FER: variants seen among roughly 807,000 people sequenced by gnomAD.
The protein encoded by FER is tyrosine-protein kinase Fer.
FER carries 63 observed loss-of-function variants against 111.0 expected under a neutral mutation model. The observed-to-expected ratio is 0.57, with a 90% CI of 0.46 to 0.70. The LOEUF is 0.70. Ranked by LOEUF, FER falls within the 30% of genes least tolerant of loss-of-function variation. The pLI is 0.00. For missense variants in FER, 914 were observed against 954.0 expected (o/e 0.96, Z 0.55); for synonymous variants, 327 against 313.9 (o/e 1.04, Z -0.44).
intron 13 of FER, among the ~76,000 whole-genome samples, chr5:109,009,481 C>T (rs1300511542): frequency 6.6e-6 from 1 of 152,204 alleles, no homozygotes; most frequent in Non-Finnish European, 1.5e-5. Flanking sequence ...TTAAATTTAA[C>T]TCTCAAATGT....
At chr5:108,994,625 A>C (rs909845870) in intron 13 of FER, among the ~76,000 whole-genome samples, 1 of 152,094 alleles carries the variant, frequency 6.6e-6, no homozygotes, top group South Asian at 2.1e-4. Context: ...ATTTTAAAGT[A>C]GTTTTTTCTA....
At chr5:108,819,572 C>CCTG (rs1483321552) in intron 3 of FER, among the ~76,000 whole-genome samples, 1 of 151,976 alleles carries the variant, frequency 6.6e-6, no homozygotes, top group African/African-American at 2.4e-5. Flanking sequence ...TAAGAGAAGG[C>CCTG]CTGCTGCGAG....
chr5:109,080,435 T>C (rs1032708262), intron 16 of FER, among the ~76,000 whole-genome samples: 3 of 152,106 alleles, frequency 2.0e-5, no homozygotes, highest in African/African-American at 4.8e-5. Context: ...ATTTACTGTT[T>C]TAAAAAATAA....
intron 1 of FER, among the ~76,000 whole-genome samples, chr5:108,759,723 G>T (rs1751508687): frequency 1.3e-5 from 2 of 152,192 alleles, no homozygotes; most frequent in South Asian, 4.1e-4. Flanking sequence ...CAGAAGAGAA[G>T]AGAACACATT....
chr5:108,792,203 C>T (rs1755455745), intron 2 of FER, among the ~76,000 whole-genome samples: 1 of 152,104 alleles, frequency 6.6e-6, no homozygotes, highest in Admixed American at 6.5e-5. Flanking sequence ...GATAGCTTGT[C>T]AAGTTCTATA....
intron 5 of FER, among the ~76,000 whole-genome samples, chr5:108,848,433 G>A (rs894212079): frequency 6.6e-6 from 1 of 151,870 alleles, no homozygotes; most frequent in Admixed American, 6.6e-5. Flanking sequence ...TGGATTAATT[G>A]AACATTTTTC....
intron 18 of FER, among the ~76,000 whole-genome samples, chr5:109,182,546 A>T (rs1181999426): frequency 6.6e-6 from 1 of 152,214 alleles, no homozygotes; most frequent in African/African-American, 2.4e-5. Flanking sequence ...CAATATTTAC[A>T]CAAAGGTTTT....
At chr5:108,865,025 TTA>T (rs1763895823) in intron 5 of FER, among the ~76,000 whole-genome samples, 1 of 152,224 alleles carries the variant, frequency 6.6e-6, no homozygotes, top group Admixed American at 6.5e-5. Context: ...GTATCCTCTT[TTA>T]TTTCATTGAG....
At chr5:108,761,080 G>T (rs988676664) in intron 1 of FER, among the ~76,000 whole-genome samples, 1 of 151,848 alleles carries the variant, frequency 6.6e-6, no homozygotes, top group African/African-American at 2.4e-5. Flanking sequence ...ACAGGTGCCC[G>T]CCACCACGCC....
chr5:109,053,088 A>G (rs1484220492), intron 16 of FER, among the ~76,000 whole-genome samples: 1 of 152,198 alleles, frequency 6.6e-6, no homozygotes, highest in African/African-American at 2.4e-5. Context: ...CACAAGTCTC[A>G]GAAAAGTAAT....
chr5:109,060,667 A>G (rs573985501), intron 16 of FER, among the ~76,000 whole-genome samples: 12 of 152,198 alleles, frequency 7.9e-5, no homozygotes, highest in Middle Eastern at 6.8e-3. Flanking sequence ...CTGGTGACAG[A>G]GTGAGACTCT....
At chr5:108,812,380 T>C (rs2150080329) in intron 3 of FER, among the ~76,000 whole-genome samples, 1 of 152,332 alleles carries the variant, frequency 6.6e-6, no homozygotes, top group Non-Finnish European at 1.5e-5. Flanking sequence ...CTGTCTGATA[T>C]TAATATAACC....
At chr5:109,134,715 T>G (rs947612573) in intron 17 of FER, among the ~76,000 whole-genome samples, 2 of 152,132 alleles carry the variant, frequency 1.3e-5, no homozygotes, top group Non-Finnish European at 2.9e-5. Flanking sequence ...CTCTCCTGGA[T>G]GAGTTCACAA....
At chr5:109,154,417 A>G (rs1755152461) in intron 17 of FER, among the ~76,000 whole-genome samples, 1 of 151,958 alleles carries the variant, frequency 6.6e-6, no homozygotes, top group Non-Finnish European at 1.5e-5. Flanking sequence ...ATTAGGAAAG[A>G]TAAGATAAAT....
intron 1 of FER, among the ~76,000 whole-genome samples, chr5:108,756,628 CTT>C (rs1408899224): frequency 1.2e-4 from 18 of 151,842 alleles, no homozygotes; most frequent in Admixed American, 6.6e-5. Flanking sequence ...GTCAATATAA[CTT>C]ATTAATATAC....
chr5:108,887,687 A>G (rs1747389261), intron 9 of FER, among the ~76,000 whole-genome samples: 2 of 151,772 alleles, frequency 1.3e-5, no homozygotes, highest in African/African-American at 4.8e-5. Flanking sequence ...CATACACTAA[A>G]TATACTTTAA....
intron 10 of FER, among the ~76,000 whole-genome samples, chr5:108,921,490 G>T (rs987913588): frequency 6.6e-6 from 1 of 152,010 alleles, no homozygotes; most frequent in Non-Finnish European, 1.5e-5. Flanking sequence ...GGGAGGCTAA[G>T]TAAATATTTT....
chr5:108,909,545 A>C (rs764175786), intron 10 of FER, among the ~76,000 whole-genome samples: 21 of 152,274 alleles, frequency 1.4e-4, no homozygotes, highest in Admixed American at 2.0e-4. Flanking sequence ...TTACACTTCT[A>C]TTCTATATTT....
intron 17 of FER, among the ~76,000 whole-genome samples, chr5:109,162,521 C>T (rs1320297889): frequency 1.3e-5 from 2 of 152,038 alleles, no homozygotes; most frequent in Non-Finnish European, 2.9e-5. Context: ...CTCACAAATA[C>T]GGTCCACAAG....
Sources: gnomAD v4.1 joint callset for allele counts (sites outside exome capture counted in the v4.1 genomes callset) on GRCh38, gnomAD v4.1.1 for gene constraint, MANE v1.5 for transcripts, NCBI Gene and HGNC (gene_info 2026-07-23, HGNC 2026-07-21) for gene names.